Variants in ST8SIA2 observed in about 807,000 individuals in gnomAD.
ST8SIA2 encodes alpha-2,8-sialyltransferase 8B.
A neutral mutation model predicts 37.6 loss-of-function variants in ST8SIA2; 22 were observed. The ratio of observed to expected loss-of-function variants is 0.58; its 90% CI spans 0.42 to 0.83. The LOEUF (loss-of-function observed/expected upper bound fraction) is 0.83. Ranked by LOEUF, ST8SIA2 falls within the 40% of genes least tolerant of loss-of-function variation. The pLI is 0.00. For missense variants in ST8SIA2, 382 were observed against 484.7 expected, an observed-to-expected ratio of 0.79 and a Z score of 1.99; for synonymous variants, 205 against 201.2, an observed-to-expected ratio of 1.02 and a Z score of -0.16.
At chr15:92,452,771 A>G (rs901598777) in intron 5 of ST8SIA2, among the ~76,000 whole-genome samples, 4 of 152,192 alleles carry the variant, frequency 2.6e-5, no homozygotes, top group African/African-American at 9.6e-5. Flanking sequence ...GAAGGGGACA[A>G]ATGTTGACTT....
rs2049826684 is a variant in ST8SIA2, at chr15:92,444,577, A to C, written c.549-59A>C. 10 of 1,609,174 alleles carry C rather than the reference A, an allele frequency of 6.2e-6. No homozygotes were observed. In the South Asian group the frequency reaches 1.1e-4, roughly 18 times the overall value. On this transcript the variant is annotated intron_variant, in intron 4 of 5. Coordinates refer to ENST00000268164, the MANE Select transcript of ST8SIA2 (RefSeq NM_006011.4). ...GAGAGGCAAAGGATGGGATCGAGTT[A>C]AACAGAGGAAGGGGTCTCAGCTTTC...
chr15:92,455,104 A>T (rs11852430), intron 5 of ST8SIA2, among the ~76,000 whole-genome samples: 2,392 of 152,208 alleles, frequency 0.016, 74 homozygotes, highest in African/African-American at 0.054. Flanking sequence ...GAGAAGAGTA[A>T]GCAAGGTGCA....
At chr15:92,407,392 C>T (rs1408180916) in intron 1 of ST8SIA2, among the ~76,000 whole-genome samples, 2 of 152,162 alleles carry the variant, frequency 1.3e-5, no homozygotes, top group African/African-American at 2.4e-5. Context: ...ACAGTGTGTC[C>T]AGAAACAGGC....
At chr15:92,414,218 C>T (rs1384666465) in intron 1 of ST8SIA2, among the ~76,000 whole-genome samples, 2 of 152,206 alleles carry the variant, frequency 1.3e-5, no homozygotes, top group Non-Finnish European at 2.9e-5. Context: ...CAGGGGACAA[C>T]CCCAGGTCCC....
intron 5 of ST8SIA2, among the ~76,000 whole-genome samples, chr15:92,461,001 A>G (rs2049953357): frequency 1.3e-5 from 2 of 152,108 alleles, no homozygotes; most frequent in Non-Finnish European, 2.9e-5. Context: ...GAGGGAAGGG[A>G]GGAGCTGTGC....
rs908130941 is a variant in ST8SIA2 at position 92,429,996 on chromosome 15, G to A, written c.99-53G>A. ...TGGGATCTCCTGGCAATTGAAGAGGGCTTTGCAAAGATGAGCTGGGTTTAT... is the reference window on the plus strand; with the variant it reads ...TGGGATCTCCTGGCAATTGAAGAGGACTTTGCAAAGATGAGCTGGGTTTAT... On this transcript the variant is annotated intron_variant, in intron 1 of 5. Transcript: ENST00000268164. 4.4e-6 allele frequency: 7 copies of A among 1,597,382 alleles called. No homozygotes were observed. The Admixed American group carries it at 1.0e-4, about 23-fold the overall frequency.
At chr15:92,453,366 T>A (rs534320981) in intron 5 of ST8SIA2, among the ~76,000 whole-genome samples, 1 of 152,202 alleles carries the variant, frequency 6.6e-6, no homozygotes, top group Non-Finnish European at 1.5e-5. Context: ...CATTCACTGG[T>A]GATGTGACTT....
intron 1 of ST8SIA2, among the ~76,000 whole-genome samples, chr15:92,412,456 G>A (rs957743138): frequency 6.6e-6 from 1 of 152,028 alleles, no homozygotes. Flanking sequence ...AACCCATTAG[G>A]CTCTTCTTGC....
At chr15:92,463,337 GA>G (rs1661573644) in intron 5 of ST8SIA2, among the ~76,000 whole-genome samples, 1 of 152,216 alleles carries the variant, frequency 6.6e-6, no homozygotes, top group Non-Finnish European at 1.5e-5. Flanking sequence ...GCAGTCTTTA[GA>G]AGAAAGAGAG....
intron 1 of ST8SIA2, among the ~76,000 whole-genome samples, chr15:92,415,045 T>C (rs1025263014): frequency 1.3e-5 from 2 of 152,286 alleles, no homozygotes; most frequent in Non-Finnish European, 2.9e-5. Flanking sequence ...ACGGAGGTCA[T>C]GGCTGATGCC....
intron 1 of ST8SIA2, among the ~76,000 whole-genome samples, chr15:92,406,560 A>G (rs767787601): frequency 6.6e-6 from 1 of 152,214 alleles, no homozygotes; most frequent in Non-Finnish European, 1.5e-5. Context: ...TGGGGGAATG[A>G]TTGGTTTCCC....
chr15:92,438,129 A>C (rs12438164), intron 3 of ST8SIA2, among the ~76,000 whole-genome samples: 73,372 of 152,074 alleles, frequency 0.48, 18,233 homozygotes, highest in East Asian at 0.68. Flanking sequence ...AAGAGGGTGT[A>C]ACCCTGGCAA....
At chr15:92,408,762 A>G (rs1265440463) in intron 1 of ST8SIA2, among the ~76,000 whole-genome samples, 3 of 151,554 alleles carry the variant, frequency 2.0e-5, no homozygotes, top group East Asian at 1.9e-4. Context: ...CTGGAGTACA[A>G]TGGCGTGATC....
intron 3 of ST8SIA2, 38 bp downstream of exon 3, chr15:92,434,413 G>A (rs2049740125): frequency 6.2e-7 from 1 of 1,613,738 alleles, no homozygotes; most frequent in Non-Finnish European, 8.5e-7. Flanking sequence ...GGTAGACTTG[G>A]TCTTGAGCAT....
At chr15:92,415,714 C>G (rs2049581628) in intron 1 of ST8SIA2, among the ~76,000 whole-genome samples, 1 of 152,058 alleles carries the variant, frequency 6.6e-6, no homozygotes, top group African/African-American at 2.4e-5. Context: ...TAAACAGTAG[C>G]CTCTGATTTT....
chr15:92,431,254 T>C (rs551323575), intron 2 of ST8SIA2, among the ~76,000 whole-genome samples: 1 of 152,180 alleles, frequency 6.6e-6, no homozygotes, highest in Admixed American at 6.5e-5. Flanking sequence ...CACAGTCTCA[T>C]ATGAATCAAG....
intron 1 of ST8SIA2, among the ~76,000 whole-genome samples, chr15:92,396,779 C>A (rs947272931): frequency 6.6e-6 from 1 of 152,086 alleles, no homozygotes; most frequent in Non-Finnish European, 1.5e-5. Context: ...GTGAGCCACC[C>A]CTCCCGGCAC....
chr15:92,410,837 G>A (rs1295111970), intron 1 of ST8SIA2, among the ~76,000 whole-genome samples: 2 of 152,202 alleles, frequency 1.3e-5, no homozygotes, highest in African/African-American at 4.8e-5. Context: ...AGGGATGAGA[G>A]AAGGCAGGAT....
At chr15:92,439,469 C>T (rs1402494467) in intron 4 of ST8SIA2, among the ~76,000 whole-genome samples, 23 of 152,158 alleles carry the variant, frequency 1.5e-4, no homozygotes, top group Non-Finnish European at 4.4e-5. Context: ...TTAGGGCACG[C>T]GGAGCCTCGA....
Sources: gnomAD v4.1 joint callset for allele counts (sites outside exome capture counted in the v4.1 genomes callset) on GRCh38, gnomAD v4.1.1 for gene constraint, MANE v1.5 for transcripts, NCBI Gene and HGNC (gene_info 2026-07-23, HGNC 2026-07-21) for gene names.